Variants in PPP4R2 observed in about 807,000 individuals in gnomAD.
PPP4R2 encodes the protein protein phosphatase 4 regulatory subunit 2, also known as serine/threonine-protein phosphatase 4 regulatory subunit 2.
Under a neutral mutation model 47.2 loss-of-function variants are expected in PPP4R2, and 13 were observed. The ratio of observed to expected loss-of-function variants is 0.28; its 90% CI spans 0.18 to 0.44. The LOEUF is 0.44. PPP4R2 is among the 20% of genes least tolerant of loss of function. The pLI is 1.00. For synonymous variants in PPP4R2, 151 were observed against 163.3 expected (o/e 0.92, Z 0.57); for missense variants, 421 against 491.2 (o/e 0.86, Z 1.35).
rs1575830014 is a variant in PPP4R2, at chr3:72,996,958, T to G, written c.-80T>G. 4 of 1,130,248 alleles carry G rather than the reference T, an allele frequency of 3.5e-6. No individual in the cohort carries two copies. The highest frequency in any genetic ancestry group is 5.7e-5 in the South Asian group (2 of 35,096). 70.0% of individuals were successfully genotyped at this position (1,130,248 alleles called of 1,614,324 possible). ...GTGTGTGCGAGGGAGGGGGAGGGCG[T>G]CGGGGGGGTGGGGGGAGGCGTTCCG... On this transcript the variant is annotated 5_prime_UTR_variant, in exon 1 of 9. Coordinates refer to ENST00000356692, the MANE Select transcript of PPP4R2 (RefSeq NM_174907.4).
chr3:73,016,820 T>C (rs1192041038), intron 2 of PPP4R2, among the ~76,000 whole-genome samples: 2 of 143,248 alleles, frequency 1.4e-5, no homozygotes, highest in African/African-American at 2.6e-5. Context: ...TTTCTTTTTT[T>C]TTTTTTTTTT....
intron 3 of PPP4R2, among the ~76,000 whole-genome samples, chr3:73,055,930 A>T (rs1265932876): frequency 6.6e-6 from 1 of 152,076 alleles, no homozygotes; most frequent in Non-Finnish European, 1.5e-5. Context: ...TTACAGTATA[A>T]CTTTGCTAAT....
intron 2 of PPP4R2, among the ~76,000 whole-genome samples, chr3:73,044,154 T>C (rs930389116): frequency 6.6e-6 from 1 of 152,190 alleles, no homozygotes; most frequent in African/African-American, 2.4e-5. Flanking sequence ...CACATTTGGG[T>C]TGTTTTCACC....
rs775559060 is a variant in PPP4R2 at position 72,998,044 on chromosome 3, A to G, written c.35-33A>G. On this transcript the variant is annotated intron_variant, in intron 1 of 8. Coordinates refer to ENST00000356692, the MANE Select transcript of PPP4R2 (RefSeq NM_174907.4). ...TTGTTTTTAGAGCGCTTTTGAGAAAACTGATAACGTTTTTTTTTCTTCCTT... is the reference window on the plus strand; with the variant it reads ...TTGTTTTTAGAGCGCTTTTGAGAAAGCTGATAACGTTTTTTTTTCTTCCTT... The G allele has an allele frequency of 2.7e-6, 4 of 1,498,170 alleles. No individual in the cohort carries two copies. The Admixed American group carries it at 7.0e-5, about 26-fold the overall frequency. The allele number at this position is 1,498,170 out of a possible 1,614,324, so 92.8% of individuals were successfully genotyped here.
At chr3:73,045,788 T>C (rs1015719029) in intron 2 of PPP4R2, among the ~76,000 whole-genome samples, 3 of 152,142 alleles carry the variant, frequency 2.0e-5, no homozygotes, top group African/African-American at 4.8e-5. Flanking sequence ...GGTTTACAGG[T>C]GTGAGCCATC....
intron 2 of PPP4R2, among the ~76,000 whole-genome samples, chr3:73,013,596 T>C (rs924041272): frequency 3.9e-5 from 6 of 152,210 alleles, no homozygotes; most frequent in Admixed American, 3.9e-4. Context: ...GCCATGAAAC[T>C]TCAGTTTGCC....
At chr3:73,054,610 T>C (rs1019031445) in intron 3 of PPP4R2, among the ~76,000 whole-genome samples, 12 of 151,754 alleles carry the variant, frequency 7.9e-5, no homozygotes, top group African/African-American at 2.4e-4. Context: ...AATGACTGTT[T>C]TGACTTTTTT....
chr3:73,002,520 C>G lies in PPP4R2; in HGVS notation c.116+4362C>G, dbSNP rs532229098. 1.4e-4 allele frequency among the ~76,000 whole-genome samples: 22 copies of G among 151,770 alleles called. No individual in the cohort carries two copies. The South Asian group carries it at 4.1e-3, about 29-fold the overall frequency. On this transcript the variant is annotated intron_variant, in intron 2 of 8. Coordinates refer to ENST00000356692, the MANE Select transcript of PPP4R2 (RefSeq NM_174907.4). The stretch of plus-strand genomic sequence containing the variant: ...CAATCCTCCCAGAGTGCAAAGATTA[C>G]AAAGCATGAGCCATTGCACTGAGCT...
intron 3 of PPP4R2, among the ~76,000 whole-genome samples, chr3:73,047,775 G>T (rs1378819489): frequency 6.6e-6 from 1 of 152,074 alleles, no homozygotes; most frequent in Non-Finnish European, 1.5e-5. Context: ...CTAAGTAACG[G>T]CTTGCTTGTT....
intron 3 of PPP4R2, 54 bp from the exon 4 acceptor site, chr3:73,058,980 TTCC>T (rs1702787420): frequency 9.5e-7 from 1 of 1,048,204 alleles, no homozygotes. Context: ...AGAAATAATG[TTCC>T]TCGTTTTCTT....
intron 2 of PPP4R2, among the ~76,000 whole-genome samples, chr3:73,044,785 C>G (rs1702450870): frequency 6.6e-6 from 1 of 151,982 alleles, no homozygotes; most frequent in African/African-American, 2.4e-5. Context: ...AGTACTTTGC[C>G]CATTTTTAAA....
rs867776498 is a variant in PPP4R2, at chr3:73,067,914, G to T, written c.*2192G>T. The T allele has an allele frequency of 4.7e-4, 72 of 152,122 alleles. No homozygotes were observed. Among genetic ancestry groups the T allele is most frequent in the African/African-American group, 1.7e-3 (70 of 41,422 alleles). The allele number at this position is 152,122 out of a possible 1,614,324, so 9.4% of individuals were successfully genotyped here. On this transcript the variant is annotated 3_prime_UTR_variant, in exon 9 of 9. Coordinates refer to ENST00000356692, the MANE Select transcript of PPP4R2 (RefSeq NM_174907.4). Reference sequence around the variant, plus strand: ...TGAGAGATCTGCATTTTAATCTATAGTTTAATAGTTTTAATATTTATTAGA... The same window carrying T: ...TGAGAGATCTGCATTTTAATCTATATTTTAATAGTTTTAATATTTATTAGA...
At chr3:73,022,335 T>G (rs1157047565) in intron 2 of PPP4R2, among the ~76,000 whole-genome samples, 1 of 151,868 alleles carries the variant, frequency 6.6e-6, no homozygotes, top group African/African-American at 2.4e-5. Flanking sequence ...TTCAGTTGAT[T>G]TTTAAATAAG....
intron 2 of PPP4R2, among the ~76,000 whole-genome samples, chr3:73,021,971 A>G (rs1394482190): frequency 6.8e-6 from 1 of 147,740 alleles, no homozygotes; most frequent in East Asian, 2.0e-4. Context: ...GTCTTGGCTC[A>G]CTGTAGCCTC....
chr3:73,049,521 G>A (rs778982384), intron 3 of PPP4R2, among the ~76,000 whole-genome samples: 29 of 151,840 alleles, frequency 1.9e-4, no homozygotes, highest in Non-Finnish European at 3.2e-4. Context: ...AATACTTCTC[G>A]GGGTTATTTA....
At chr3:73,045,213 G>A (rs1702457359) in intron 2 of PPP4R2, among the ~76,000 whole-genome samples, 1 of 152,108 alleles carries the variant, frequency 6.6e-6, no homozygotes, top group Admixed American at 6.6e-5. Flanking sequence ...TGTTTGCCCA[G>A]GCTGGCTTCC....
chr3:73,009,530 A>G (rs1209060360), intron 2 of PPP4R2, among the ~76,000 whole-genome samples: 2 of 152,190 alleles, frequency 1.3e-5, no homozygotes, highest in African/African-American at 4.8e-5. Context: ...ATGGAATCAT[A>G]ATGTTTATGG....
intron 2 of PPP4R2, among the ~76,000 whole-genome samples, chr3:73,040,414 A>G (rs1399153712): frequency 6.6e-6 from 1 of 152,140 alleles, no homozygotes; most frequent in East Asian, 1.9e-4. Context: ...CAGGTGATAA[A>G]TAGATGCCTA....
intron 3 of PPP4R2, among the ~76,000 whole-genome samples, chr3:73,048,483 T>C (rs957748210): frequency 3.9e-5 from 6 of 152,106 alleles, no homozygotes; most frequent in African/African-American, 1.4e-4. Flanking sequence ...CTCCAACTCC[T>C]GACCTTGTGA....
Sources: allele counts gnomAD v4.1 joint callset (sites outside exome capture counted in the v4.1 genomes callset), GRCh38; gene constraint gnomAD v4.1.1; transcripts MANE v1.5; gene names NCBI Gene and HGNC (gene_info 2026-07-23, HGNC 2026-07-21).